Variants in ZC3H3 observed in about 807,000 individuals in gnomAD.
ZC3H3 encodes zinc finger CCCH-type containing 3, also known as zinc finger CCCH domain-containing protein 3.
Under a neutral mutation model 77.3 loss-of-function variants are expected in ZC3H3, and 36 were observed. That is an observed-to-expected ratio of 0.47 (90% confidence interval 0.36 to 0.61). The LOEUF (loss-of-function observed/expected upper bound fraction) is 0.61. ZC3H3 is among the 20% of genes least tolerant of loss of function. The pLI is 0.00. For synonymous variants in ZC3H3, 626 were observed against 555.2 expected, an observed-to-expected ratio of 1.13 and a Z score of -1.79; for missense variants, 1,331 against 1,312.2, an observed-to-expected ratio of 1.01 and a Z score of -0.22.
chr8:143,514,660 G>C lies in ZC3H3; in HGVS notation c.1562-6761C>G, dbSNP rs148361862. On this transcript the variant is annotated intron_variant, in intron 3 of 11. Transcript: ENST00000262577. ...TGCTCTCGCGCCCCCTCAGGCCCTC[G>C]AGTTTCACGCAGAGCCAGGCCATGC... 2.0e-5 allele frequency among the ~76,000 whole-genome samples: 3 copies of C among 152,296 alleles called. No individual in the cohort carries two copies. In the East Asian group the frequency reaches 5.8e-4, roughly 29 times the overall value.
chr8:143,533,354 A>T lies in ZC3H3; in HGVS notation c.1561+2903T>A, dbSNP rs961654755. On this transcript the variant is annotated intron_variant, in intron 3 of 11. Coordinates refer to ENST00000262577, the MANE Select transcript of ZC3H3 (RefSeq NM_015117.3). The surrounding 1 kb of genome is among the most constrained non-coding windows in gnomAD (Gnocchi z 4.0). ...CTCTGCTCAGGTCACCTCCTCAGAG[A>T]AGCCCTCCCACTCGCCAACCACCTC... 5.9e-5 allele frequency among the ~76,000 whole-genome samples: 9 copies of T among 152,104 alleles called. No homozygotes were observed. The highest frequency in any genetic ancestry group is 1.2e-4 in the Non-Finnish European group (8 of 68,010).
intron 5 of ZC3H3, among the ~76,000 whole-genome samples, chr8:143,471,196 G>C (rs960192684): frequency 2.0e-5 from 3 of 152,256 alleles, no homozygotes; most frequent in Non-Finnish European, 2.9e-5. Flanking sequence ...AAGTTAGGCA[G>C]GGCTGCGCCA....
At chr8:143,448,087 T>C (rs993232975) in intron 9 of ZC3H3, among the ~76,000 whole-genome samples, 18 of 151,832 alleles carry the variant, frequency 1.2e-4, no homozygotes, top group African/African-American at 4.1e-4. Context: ...GAGAGTGCCA[T>C]TGCGCTCCAG....
At position 143,459,718 on chromosome 8, in the gene ZC3H3, A is replaced by AT. The variant is rs558000521; in HGVS notation, c.2307+5998dup. Among the ~76,000 whole-genome samples, 8 of 152,284 alleles carry AT rather than the reference A, an allele frequency of 5.3e-5. No individual in the cohort carries two copies. The South Asian group carries it at 1.7e-3, about 32-fold the overall frequency. On this transcript the variant is annotated intron_variant, in intron 9 of 11. Transcript: ENST00000262577. ...AATAAAGGAAAAAGACCACAAGATC[A>AT]TTTCAATTGATCTACAAAAAGGCCT...
At chr8:143,456,835 T>C (rs1386320873) in intron 9 of ZC3H3, among the ~76,000 whole-genome samples, 1 of 151,976 alleles carries the variant, frequency 6.6e-6, no homozygotes, top group Admixed American at 6.6e-5. Flanking sequence ...GCCGCTGAGC[T>C]ACAGCCTGGG....
At chr8:143,454,613 G>A (rs906796136) in intron 9 of ZC3H3, among the ~76,000 whole-genome samples, 5 of 151,782 alleles carry the variant, frequency 3.3e-5, no homozygotes, top group African/African-American at 9.7e-5. Flanking sequence ...GGGTTTTACC[G>A]TGTTAGCCAG....
intron 3 of ZC3H3, among the ~76,000 whole-genome samples, chr8:143,527,191 C>T (rs1225420760): frequency 2.6e-5 from 4 of 152,188 alleles, no homozygotes; most frequent in Non-Finnish European, 4.4e-5. Context: ...CTGAGAGAGG[C>T]CACCAGGGTG....
At chr8:143,526,301 C>T (rs1042394221) in intron 3 of ZC3H3, among the ~76,000 whole-genome samples, 74 of 152,312 alleles carry the variant, frequency 4.9e-4, no homozygotes, top group African/African-American at 1.8e-3. Context: ...CAGAGCTCAG[C>T]GGATGCCCAG....
At chr8:143,456,231 G>T (rs1188270775) in intron 9 of ZC3H3, among the ~76,000 whole-genome samples, 1 of 151,880 alleles carries the variant, frequency 6.6e-6, no homozygotes, top group Non-Finnish European at 1.5e-5. Flanking sequence ...AAGGCAGGGG[G>T]AAGAAAACCC....
Position 143,541,440 on chromosome 8 carries a change from C to A in ZC3H3, c.-19G>T, listed in dbSNP as rs1478997543. 6.2e-7 allele frequency: 1 copy of A among 1,611,370 alleles called. No individual in the cohort carries two copies. The highest frequency in any genetic ancestry group is 8.5e-7 in the Non-Finnish European group (1 of 1,179,262). The stretch of plus-strand genomic sequence containing the variant: ...CCTCCATCTCCCGAGTCCGCGACGG[C>A]CGGCCAGGCCCCCACGACGTCATCG... On this transcript the variant is annotated 5_prime_UTR_variant, in exon 1 of 12. Transcript: ENST00000262577.
At chr8:143,498,712 T>TACAGGGCGGGGCGGAGGGGC (rs1396836908) in intron 4 of ZC3H3, among the ~76,000 whole-genome samples, 8 of 104,370 alleles carry the variant, frequency 7.7e-5, no homozygotes, top group Admixed American at 1.0e-4. Context: ...GGCAGAGGGG[T>TACAGGGCGGGGCGGAGGGGC]ACAGGGCGGG....
intron 3 of ZC3H3, among the ~76,000 whole-genome samples, chr8:143,531,620 C>G (rs1478650996): frequency 7.2e-5 from 11 of 152,178 alleles, no homozygotes. Context: ...CACCTCCAGG[C>G]TCATTATTCC....
chr8:143,475,319 T>C, intron 5 of ZC3H3, 79 bp downstream of exon 5: 1 of 1,483,146 alleles, frequency 6.7e-7, no homozygotes, highest in Non-Finnish European at 9.0e-7. Flanking sequence ...TGTTGGAGGT[T>C]AGGGGGTCTG....
At chr8:143,479,111 G>A (rs1399098020) in intron 4 of ZC3H3, among the ~76,000 whole-genome samples, 3 of 152,240 alleles carry the variant, frequency 2.0e-5, no homozygotes, top group African/African-American at 7.2e-5. Context: ...CCGAGAAGCT[G>A]CATCCTGGGA....
chr8:143,496,659 T>C (rs1378195264), intron 4 of ZC3H3, among the ~76,000 whole-genome samples: 1 of 152,126 alleles, frequency 6.6e-6, no homozygotes, highest in Non-Finnish European at 1.5e-5. Flanking sequence ...ACATCTAGAA[T>C]GAGTGGACAG....
At chr8:143,490,637 G>A (rs1563857423) in intron 4 of ZC3H3, among the ~76,000 whole-genome samples, 5 of 152,224 alleles carry the variant, frequency 3.3e-5, no homozygotes, top group South Asian at 2.1e-4. Context: ...ACTGATGGCC[G>A]GGTGCAGTGG....
At chr8:143,472,272 T>G (rs931841955) in intron 5 of ZC3H3, among the ~76,000 whole-genome samples, 1 of 152,222 alleles carries the variant, frequency 6.6e-6, no homozygotes, top group Non-Finnish European at 1.5e-5. Flanking sequence ...CTCTGATGGC[T>G]CTGGGCCAAG....
intron 9 of ZC3H3, among the ~76,000 whole-genome samples, chr8:143,449,880 T>G (rs768563355): frequency 6.6e-6 from 1 of 151,638 alleles, no homozygotes; most frequent in African/African-American, 2.4e-5. Flanking sequence ...AAAAGTAACC[T>G]TTGCTCCAGT....
chr8:143,507,795 A>G lies in ZC3H3; in HGVS notation c.1666T>C (p.Phe556Leu), dbSNP rs764118922. The G allele has an allele frequency of 6.2e-7, 1 of 1,604,020 alleles. No individual in the cohort carries two copies. The highest frequency in any genetic ancestry group is 1.7e-5 in the Admixed American group (1 of 59,860). ...TPASPLSAPP[F>L]PLSLPSWRAR... is the part of the protein sequence containing the mutation. ...CGCCAGGAGGGCAGAGACAGGGGGA[A>G]GGGCGGGGCGCTGAGAGGCGAGGCC... Residue 556 changes from phenylalanine to leucine, a missense_variant, in exon 4 of 12, where the codon TTC (phenylalanine) becomes CTC (leucine). By Grantham distance (22) the Phe-to-Leu change is conservative. Coordinates refer to ENST00000262577, the MANE Select transcript of ZC3H3 (RefSeq NM_015117.3).
Sources: gnomAD v4.1 joint callset for allele counts (sites outside exome capture counted in the v4.1 genomes callset) on GRCh38, gnomAD v4.1.1 for gene constraint, Gnocchi (gnomAD v3.1) non-coding constraint, MANE v1.5 for transcripts, NCBI Gene and HGNC (gene_info 2026-07-23, HGNC 2026-07-21) for gene names.